KIF16B: variants seen among roughly 807,000 people sequenced by gnomAD.
KIF16B encodes kinesin-like protein KIF16B.
Under a neutral mutation model 156.3 loss-of-function variants are expected in KIF16B, and 98 were observed. The ratio of observed to expected loss-of-function variants is 0.63; its 90% confidence interval spans 0.53 to 0.74. KIF16B has a LOEUF of 0.74. Among genes scored for constraint, KIF16B ranks in the 30% least tolerant of loss-of-function variants. The probability of loss-of-function intolerance (pLI) is 0.00; values close to 1 mark genes in which losing one functional copy is unlikely to be tolerated. For synonymous variants in KIF16B, 564 were observed against 583.7 expected (o/e 0.97, Z 0.49); for missense variants, 1,421 against 1,606.5 (o/e 0.88, Z 1.97).
At chr20:16,413,997 T>C (rs1163031579) in intron 15 of KIF16B, among the ~76,000 whole-genome samples, 1 of 152,068 alleles carries the variant, frequency 6.6e-6, no homozygotes, top group Non-Finnish European at 1.5e-5. Context: ...AAGATATTTA[T>C]TTATATTAAA....
chr20:16,558,295 C>T (rs928057013), intron 1 of KIF16B, among the ~76,000 whole-genome samples: 7 of 152,204 alleles, frequency 4.6e-5, no homozygotes, highest in African/African-American at 1.2e-4. Context: ...GTTACTGGAA[C>T]GTGGCTCCTA....
intron 25 of KIF16B, among the ~76,000 whole-genome samples, chr20:16,285,049 G>A (rs1344600127): frequency 1.3e-5 from 2 of 152,196 alleles, no homozygotes; most frequent in African/African-American, 4.8e-5. Flanking sequence ...TGCTAGCCAT[G>A]TGGCTACTGA....
In KIF16B at chr20:16,398,863, G is replaced by A. The variant is rs139344701; in HGVS notation, c.1784+5950C>T. ...GGGAGGGGAGTCCCAGCATTGCTAG[G>A]CAGAAGCCAGCATGAGGGCTTAGCA... On this transcript the variant is annotated intron_variant, in intron 17 of 25. Coordinates refer to ENST00000354981, the MANE Select transcript of KIF16B (RefSeq NM_024704.5). Among the ~76,000 whole-genome samples the A allele has an allele frequency of 4.0e-3, 608 of 152,300 alleles. 3 individuals carry two copies. Among genetic ancestry groups the A allele is most frequent in the Non-Finnish European group, 6.9e-3 (468 of 68,028 alleles).
At chr20:16,297,379 T>C (rs2122554403) in intron 25 of KIF16B, among the ~76,000 whole-genome samples, 1 of 152,312 alleles carries the variant, frequency 6.6e-6, no homozygotes, top group African/African-American at 2.4e-5. Flanking sequence ...TTTAACACTA[T>C]ATTTCACTGT....
intron 17 of KIF16B, among the ~76,000 whole-genome samples, chr20:16,388,667 TAA>T (rs1357016211): frequency 6.6e-6 from 1 of 151,962 alleles, no homozygotes; most frequent in Admixed American, 6.6e-5. Context: ...TCTTTTACAT[TAA>T]AAGAGATCTA....
chr20:16,450,547 C>T (rs1354284203), intron 12 of KIF16B, among the ~76,000 whole-genome samples: 1 of 152,212 alleles, frequency 6.6e-6, no homozygotes, highest in African/African-American at 2.4e-5. Context: ...ACCTGCCCCA[C>T]AGGCTGTTCC....
At chr20:16,381,254 TG>T in intron 18 of KIF16B, among the ~76,000 whole-genome samples, 1 of 152,150 alleles carries the variant, frequency 6.6e-6, no homozygotes, top group East Asian at 1.9e-4. Flanking sequence ...AAATTATACA[TG>T]GGGAAATACA....
chr20:16,318,395 G>A (rs2122764805), intron 24 of KIF16B, among the ~76,000 whole-genome samples: 1 of 152,234 alleles, frequency 6.6e-6, no homozygotes, highest in South Asian at 2.1e-4. Context: ...CACATTGAAA[G>A]AAGAGAAAAT....
chr20:16,446,680 C>A (rs539853997), intron 12 of KIF16B, among the ~76,000 whole-genome samples: 1 of 152,126 alleles, frequency 6.6e-6, no homozygotes, highest in South Asian at 2.1e-4. Context: ...CTTTGGTAAC[C>A]TAAAAAGTCC....
intron 1 of KIF16B, among the ~76,000 whole-genome samples, chr20:16,530,707 T>C (rs2147168275): frequency 6.6e-6 from 1 of 152,084 alleles, no homozygotes; most frequent in South Asian, 2.1e-4. Context: ...TTGTTGTTGT[T>C]TGGTTTTTTT....
intron 3 of KIF16B, among the ~76,000 whole-genome samples, chr20:16,521,852 T>G (rs6034514): frequency 0.24 from 36,286 of 152,004 alleles, 4,967 homozygotes; most frequent in East Asian, 0.36. Context: ...CCAGAAGAGA[T>G]TGGGGGCCAA....
rs139832198 is a variant in KIF16B, at chr20:16,327,906, G to T, written c.3711+8020C>A. Among the ~76,000 whole-genome samples the T allele has an allele frequency of 2.0e-4, 30 of 152,122 alleles. No homozygotes were observed. In the East Asian group the frequency reaches 4.8e-3, roughly 24 times the overall value. ...GTGCTCTCTGTGGCTGCAGTTGGTA[G>T]CATTATAATTTGGGTGGTGAGCAGA... On this transcript the variant is annotated intron_variant, in intron 24 of 25. Transcript: ENST00000354981.
chr20:16,284,771 A>G (rs753708919), intron 25 of KIF16B, among the ~76,000 whole-genome samples: 1 of 152,198 alleles, frequency 6.6e-6, no homozygotes, highest in African/African-American at 2.4e-5. Context: ...AACCCAGAAT[A>G]TAATAAAACA....
chr20:16,330,614 C>G (rs1463405060), intron 24 of KIF16B, among the ~76,000 whole-genome samples: 1 of 152,206 alleles, frequency 6.6e-6, no homozygotes, highest in East Asian at 1.9e-4. Context: ...TATTCATCAA[C>G]AGGATTCTGG....
At chr20:16,558,773 A>G (rs1451927446) in intron 1 of KIF16B, among the ~76,000 whole-genome samples, 1 of 151,890 alleles carries the variant, frequency 6.6e-6, no homozygotes, top group Non-Finnish European at 1.5e-5. Context: ...GTGCGGTGGT[A>G]GGCGCCTGTA....
In KIF16B at chr20:16,379,048, T is replaced by C. The variant is rs2065022710; in HGVS notation, c.2954A>G (p.Lys985Arg). The change falls in exon 19 of 26, where the codon AAA becomes AGA. Residue 985 changes from lysine (K) to arginine (R), a missense_variant. By Grantham distance (26) the Lys-to-Arg change is conservative (BLOSUM62 2). Coordinates refer to ENST00000354981, the MANE Select transcript of KIF16B (RefSeq NM_024704.5). ...AATCTCCTTTTCCTTTTTCCTCACT[T>C]TTTCCTCCTGACGTGCAATGTTGGC... Reference protein sequence around the residue: ...FTANIARQEEKVRKKEKEILE... With the variant: ...FTANIARQEERVRKKEKEILE... 6.2e-7 allele frequency: 1 copy of C among 1,610,942 alleles called. No homozygotes were observed. The highest frequency in any genetic ancestry group is 8.5e-7 in the Non-Finnish European group (1 of 1,178,478).
At chr20:16,432,898 T>C (rs995592364) in intron 12 of KIF16B, among the ~76,000 whole-genome samples, 1 of 152,196 alleles carries the variant, frequency 6.6e-6, no homozygotes, top group Non-Finnish European at 1.5e-5. Context: ...TGTTCTTCAA[T>C]TACCACTCTT....
intron 10 of KIF16B, among the ~76,000 whole-genome samples, chr20:16,498,482 C>T (rs879621754): frequency 3.9e-5 from 6 of 152,150 alleles, no homozygotes; most frequent in Admixed American, 2.0e-4. Flanking sequence ...CATATGCAAG[C>T]GTGTTTTTTG....
chr20:16,340,745 A>T (rs938188887), intron 23 of KIF16B, among the ~76,000 whole-genome samples: 7 of 152,186 alleles, frequency 4.6e-5, no homozygotes, highest in African/African-American at 1.4e-4. Flanking sequence ...GAATAGTGAA[A>T]TGGTACTTCG....
Sources: allele counts gnomAD v4.1 joint callset (sites outside exome capture counted in the v4.1 genomes callset), GRCh38; gene constraint gnomAD v4.1.1; transcripts MANE v1.5; gene names NCBI Gene and HGNC (gene_info 2026-07-23, HGNC 2026-07-21).